FAT3: variants seen among roughly 807,000 people sequenced by gnomAD.
The protein encoded by FAT3 is protocadherin Fat 3.
In FAT3, 95 loss-of-function variants were observed where a neutral mutation model predicts 310.2. The ratio of observed to expected loss-of-function variants is 0.31; its 90% confidence interval spans 0.26 to 0.36. The LOEUF is 0.36. FAT3 is among the 10% of genes least tolerant of loss of function. The pLI is 1.00. For missense variants in FAT3, 5,408 were observed against 5,715.6 expected, an observed-to-expected ratio of 0.95 and a Z score of 1.74; for synonymous variants, 2,314 against 2,192.9, an observed-to-expected ratio of 1.06 and a Z score of -1.54.
At chr11:92,761,608 T>A (rs1767156042) in intron 4 of FAT3, among the ~76,000 whole-genome samples, 1 of 152,146 alleles carries the variant, frequency 6.6e-6, no homozygotes. Context: ...TTCTGTCAGA[T>A]CAGGACTCAA....
Position 92,806,406 on chromosome 11 carries a change from A to C in FAT3, c.9138A>C (p.Lys3046Asn). Residue 3046 changes from lysine to asparagine, a missense_variant, in exon 12 of 28, where the codon AAA becomes AAC. Coordinates refer to ENST00000525166, the MANE Select transcript of FAT3 (RefSeq NM_001367949.2). ...ALLPEDIPSNKIILKVSAKDA... is the reference protein window; with the variant it reads ...ALLPEDIPSNNIILKVSAKDA... ...TTCCTGAAGACATTCCATCAAATAA[A>C]ATCATCCTGAAAGTCAGTGCAAAGG... The C allele has an allele frequency of 1.3e-6, 2 of 1,596,878 alleles. No individual in the cohort carries two copies. The highest frequency in any genetic ancestry group is 1.7e-6 in the Non-Finnish European group (2 of 1,170,642).
chr11:92,545,894 T>C (rs932771448), intron 3 of FAT3, among the ~76,000 whole-genome samples: 2 of 152,184 alleles, frequency 1.3e-5, no homozygotes, highest in Non-Finnish European at 2.9e-5. Context: ...CCTTTCCATC[T>C]TGAGTTCATA....
intron 13 of FAT3, among the ~76,000 whole-genome samples, chr11:92,814,945 A>T (rs12287939): frequency 0.013 from 2,041 of 152,324 alleles, 50 homozygotes; most frequent in African/African-American, 0.046. Flanking sequence ...ATTCAGGAAG[A>T]TAGGAGCCAG....
At chr11:92,384,874 G>A in intron 2 of FAT3, among the ~76,000 whole-genome samples, 1 of 152,172 alleles carries the variant, frequency 6.6e-6, no homozygotes, top group East Asian at 1.9e-4. Flanking sequence ...TGTAAATTTA[G>A]TTATTCATAA....
chr11:92,400,118 T>C (rs1221992029), intron 2 of FAT3: 1 of 152,208 alleles, frequency 6.6e-6, no homozygotes, highest in African/African-American at 2.4e-5. Context: ...TTAACGTGGG[T>C]GACTTTTTGC....
intron 2 of FAT3, among the ~76,000 whole-genome samples, chr11:92,518,710 T>C (rs975110933): frequency 6.6e-6 from 1 of 152,036 alleles, no homozygotes; most frequent in African/African-American, 2.4e-5. Flanking sequence ...AACAATGTTG[T>C]AGGATACAAG....
intron 3 of FAT3, among the ~76,000 whole-genome samples, chr11:92,675,367 A>G (rs1160937031): frequency 6.6e-6 from 1 of 152,230 alleles, no homozygotes; most frequent in Non-Finnish European, 1.5e-5. Context: ...CCTAAAGTTC[A>G]TCTTAACAAC....
At chr11:92,832,200 G>A (rs1948280756) in intron 14 of FAT3, among the ~76,000 whole-genome samples, 189 bp downstream of exon 14, 1 of 152,122 alleles carries the variant, frequency 6.6e-6, no homozygotes. Context: ...GCCAAGCATG[G>A]TGGTATGCAC....
intron 2 of FAT3, among the ~76,000 whole-genome samples, chr11:92,420,635 A>G (rs1950516280): frequency 6.6e-6 from 1 of 150,432 alleles, no homozygotes; most frequent in Non-Finnish European, 1.5e-5. Flanking sequence ...CTAAATCTTT[A>G]CTAATAATTT....
intron 12 of FAT3, among the ~76,000 whole-genome samples, chr11:92,809,115 C>G (rs1408128928): frequency 6.6e-6 from 1 of 152,120 alleles, no homozygotes; most frequent in African/African-American, 2.4e-5. Context: ...AATATCTCCA[C>G]AAAAGCTGGT....
At chr11:92,562,145 T>A (rs1955249318) in intron 3 of FAT3, among the ~76,000 whole-genome samples, 1 of 152,202 alleles carries the variant, frequency 6.6e-6, no homozygotes, top group Non-Finnish European at 1.5e-5. Flanking sequence ...TTATCACTTT[T>A]AAGCCCTTCA....
intron 2 of FAT3, among the ~76,000 whole-genome samples, chr11:92,480,207 G>A (rs1003288239): frequency 2.6e-5 from 4 of 152,088 alleles, no homozygotes; most frequent in East Asian, 1.9e-4. Context: ...AGAGCTTACC[G>A]CGAGCCGAGA....
chr11:92,429,206 C>A (rs1310667170), intron 2 of FAT3, among the ~76,000 whole-genome samples: 1 of 150,778 alleles, frequency 6.6e-6, no homozygotes, highest in Non-Finnish European at 1.5e-5. Flanking sequence ...GCAACCCTTG[C>A]TTTTTTTTTG....
chr11:92,568,013 C>A (rs1006914244), intron 3 of FAT3, among the ~76,000 whole-genome samples: 1 of 151,926 alleles, frequency 6.6e-6, no homozygotes, highest in Admixed American at 6.6e-5. Context: ...GCACATTGTG[C>A]ACATGTACCC....
intron 3 of FAT3, among the ~76,000 whole-genome samples, chr11:92,599,587 C>G (rs543063115): frequency 6.6e-6 from 1 of 152,192 alleles, no homozygotes; most frequent in African/African-American, 2.4e-5. Context: ...ATTCCAAGCA[C>G]CAACCCCCAT....
chr11:92,820,035 A>G (rs2136232690), intron 13 of FAT3, among the ~76,000 whole-genome samples: 1 of 152,362 alleles, frequency 6.6e-6, no homozygotes, highest in East Asian at 1.9e-4. Context: ...TGAACAGGAT[A>G]TAGCAGAAGT....
At chr11:92,392,562 C>T (rs1949774600) in intron 2 of FAT3, among the ~76,000 whole-genome samples, 1 of 152,074 alleles carries the variant, frequency 6.6e-6, no homozygotes, top group Non-Finnish European at 1.5e-5. Context: ...ATACTAAATG[C>T]TGCTCCCTTG....
chr11:92,321,587 AAAAG>A (rs1388019179), intron 1 of FAT3, among the ~76,000 whole-genome samples: 7 of 152,186 alleles, frequency 4.6e-5, no homozygotes, highest in Admixed American at 3.9e-4. Context: ...TCCTGAGAAA[AAAAG>A]AAAAAAAAAT....
intron 1 of FAT3, among the ~76,000 whole-genome samples, chr11:92,298,548 G>A (rs1439992260): frequency 6.6e-6 from 1 of 152,086 alleles, no homozygotes; most frequent in Non-Finnish European, 1.5e-5. Flanking sequence ...GCAGCATAAA[G>A]GAAGAGATGT....
Sources: allele counts gnomAD v4.1 joint callset (sites outside exome capture counted in the v4.1 genomes callset), GRCh38; gene constraint gnomAD v4.1.1; transcripts MANE v1.5; gene names NCBI Gene and HGNC (gene_info 2026-07-23, HGNC 2026-07-21).